Variants in TMEM266 observed in about 807,000 individuals in gnomAD.
The protein encoded by TMEM266 is transmembrane protein 266, also known as Hv1 related protein 1.
A neutral mutation model predicts 50.5 loss-of-function variants in TMEM266; 33 were observed. The ratio of observed to expected loss-of-function variants is 0.65; its 90% confidence interval spans 0.50 to 0.87. TMEM266 has a LOEUF of 0.87. Among genes scored for constraint, TMEM266 ranks in the 40% least tolerant of loss-of-function variants. TMEM266 has a pLI of 0.00. For synonymous variants in TMEM266, 310 were observed against 292.3 expected (o/e 1.06, Z -0.62); for missense variants, 655 against 695.1 (o/e 0.94, Z 0.65).
At chr15:76,111,076 G>A (rs1390540030) in intron 1 of TMEM266, among the ~76,000 whole-genome samples, 2 of 140,268 alleles carry the variant, frequency 1.4e-5, no homozygotes, top group Admixed American at 7.8e-5. Flanking sequence ...ACACACTTTC[G>A]CAGTTTCTTT....
At chr15:76,174,694 G>A (rs1435355297) in intron 7 of TMEM266, among the ~76,000 whole-genome samples, 1 of 152,190 alleles carries the variant, frequency 6.6e-6, no homozygotes, top group Non-Finnish European at 1.5e-5. Flanking sequence ...CTCAGCCCTA[G>A]GCAAGCACTA....
rs201416782 is a variant in TMEM266, at chr15:76,160,202, G to T, written c.456+34G>T. On this transcript the variant is annotated intron_variant, in intron 5 of 10. Coordinates refer to ENST00000388942, the MANE Select transcript of TMEM266 (RefSeq NM_152335.3). This position sits in a 1 kb window ranked among gnomAD's most constrained non-coding sequence, Gnocchi z 5.7. The stretch of plus-strand genomic sequence containing the variant: ...AGACTCTGGCCCTGTCACCTCCTCT[G>T]TTGGGTGACTCCTGTCCTGGGGAAA... 1 of 1,585,850 alleles carries T rather than the reference G, an allele frequency of 6.3e-7. No homozygotes were observed. Among genetic ancestry groups the T allele is most frequent in the Non-Finnish European group, 8.7e-7 (1 of 1,154,314 alleles).
chr15:76,173,780 A>G (rs1473993674), intron 7 of TMEM266, among the ~76,000 whole-genome samples: 2 of 151,890 alleles, frequency 1.3e-5, no homozygotes, highest in Non-Finnish European at 2.9e-5. Flanking sequence ...TAAAAATATA[A>G]AAATTAGCTG....
At chr15:76,142,442 C>T (rs1356575971) in intron 3 of TMEM266, among the ~76,000 whole-genome samples, 2 of 152,136 alleles carry the variant, frequency 1.3e-5, no homozygotes, top group Non-Finnish European at 2.9e-5. Flanking sequence ...GGGTATATAT[C>T]CAAAAGCGGG....
rs183782341 is a variant in TMEM266, at chr15:76,161,269, G to A, written c.456+1101G>A. ...GGCACAGCACCTGCTGGGAACATAC[G>A]CACATCTCACACCAACGGGAGCTGC... On this transcript the variant is annotated intron_variant, in intron 5 of 10. Coordinates refer to ENST00000388942, the MANE Select transcript of TMEM266 (RefSeq NM_152335.3). This position sits in a 1 kb window ranked among gnomAD's most constrained non-coding sequence, Gnocchi z 4.1. 1.3e-5 allele frequency among the ~76,000 whole-genome samples: 2 copies of A among 152,294 alleles called. No homozygotes were observed. Among genetic ancestry groups the A allele is most frequent in the Admixed American group, 6.5e-5 (1 of 15,306 alleles).
At position 76,194,147 on chromosome 15, in the gene TMEM266, C is replaced by T. The variant is rs377374140; in HGVS notation, c.958+1990C>T. Reference sequence around the variant, plus strand: ...CTCCCCACACAGCTCAGCTGAGCCACGTGTCCCAGCAGCCCAGCCTTGGGC... The same window carrying T: ...CTCCCCACACAGCTCAGCTGAGCCATGTGTCCCAGCAGCCCAGCCTTGGGC... On this transcript the variant is annotated intron_variant, in intron 9 of 10. Coordinates refer to ENST00000388942, the MANE Select transcript of TMEM266 (RefSeq NM_152335.3). Among the ~76,000 whole-genome samples the T allele has an allele frequency of 2.6e-4, 40 of 152,360 alleles. No individual in the cohort carries two copies. The East Asian group carries it at 6.6e-3, about 25-fold the overall frequency.
chr15:76,167,324 G>A (rs8026146), intron 5 of TMEM266, among the ~76,000 whole-genome samples: 151,591 of 151,630 alleles, frequency 1, 75,776 homozygotes, highest in Middle Eastern at 1. Flanking sequence ...CAAAAAATTA[G>A]CCGGGCATGG....
chr15:76,078,378 T>C (rs912226291), intron 1 of TMEM266, among the ~76,000 whole-genome samples: 2 of 152,166 alleles, frequency 1.3e-5, no homozygotes, highest in African/African-American at 4.8e-5. Context: ...CACACACAGA[T>C]GAATACATTT....
At chr15:76,156,543 G>T (rs976113101) in intron 3 of TMEM266, 61 bp from the exon 4 acceptor site, 1 of 1,572,550 alleles carries the variant, frequency 6.4e-7, no homozygotes, top group African/African-American at 1.4e-5. Flanking sequence ...CTTTGGCCGG[G>T]GTCCACCCTC....
intron 9 of TMEM266, among the ~76,000 whole-genome samples, chr15:76,200,087 A>AC (rs1394530448): frequency 6.6e-6 from 1 of 152,182 alleles, no homozygotes; most frequent in Non-Finnish European, 1.5e-5. Flanking sequence ...CTCCCCGCAG[A>AC]CAGGGACTCC....
chr15:76,117,094 T>A (rs1306505473), intron 1 of TMEM266, among the ~76,000 whole-genome samples: 1 of 152,066 alleles, frequency 6.6e-6, no homozygotes, highest in Non-Finnish European at 1.5e-5. Context: ...AGACAGCATT[T>A]CTTCATGTTG....
chr15:76,196,588 C>T (rs895927757), intron 9 of TMEM266, among the ~76,000 whole-genome samples: 3 of 151,294 alleles, frequency 2.0e-5, no homozygotes, highest in African/African-American at 7.2e-5. Context: ...TAACTGTGAC[C>T]TTCAGGCCAG....
At chr15:76,074,831 A>G (rs1212971644) in intron 1 of TMEM266, among the ~76,000 whole-genome samples, 1 of 151,990 alleles carries the variant, frequency 6.6e-6, no homozygotes, top group Non-Finnish European at 1.5e-5. Flanking sequence ...GGTAGCTTGA[A>G]CCAGGGTGCT....
intron 4 of TMEM266, among the ~76,000 whole-genome samples, chr15:76,158,665 T>TA (rs368172133): frequency 2.3e-4 from 35 of 152,232 alleles, no homozygotes; most frequent in African/African-American, 6.5e-4. Context: ...AAGCAAACCG[T>TA]AAAAAAAGGC....
intron 1 of TMEM266, among the ~76,000 whole-genome samples, chr15:76,103,585 C>T (rs1267949963): frequency 6.6e-6 from 1 of 152,052 alleles, no homozygotes; most frequent in South Asian, 2.1e-4. Context: ...GTTGGATCCA[C>T]AAGTTTGGAA....
At chr15:76,085,614 T>A (rs146863337) in intron 1 of TMEM266, among the ~76,000 whole-genome samples, 1 of 152,318 alleles carries the variant, frequency 6.6e-6, no homozygotes, top group African/African-American at 2.4e-5. Flanking sequence ...CACACATGGC[T>A]GGTGGTGTTA....
At chr15:76,143,886 C>G (rs185655099) in intron 3 of TMEM266, among the ~76,000 whole-genome samples, 3 of 152,188 alleles carry the variant, frequency 2.0e-5, no homozygotes, top group Non-Finnish European at 4.4e-5. Context: ...GTCTCTCTCT[C>G]TCTCTAACAC....
At chr15:76,075,375 A>G (rs2036590453) in intron 1 of TMEM266, among the ~76,000 whole-genome samples, 1 of 152,134 alleles carries the variant, frequency 6.6e-6, no homozygotes, top group Admixed American at 6.5e-5. Flanking sequence ...GGAAAACCAG[A>G]TGGTGTGGTC....
At chr15:76,120,743 A>C (rs1291967328) in intron 1 of TMEM266, among the ~76,000 whole-genome samples, 2 of 146,912 alleles carry the variant, frequency 1.4e-5, no homozygotes, top group African/African-American at 5.1e-5. Flanking sequence ...CCTGGGTTAC[A>C]GAGCAAGACT....
Sources: gnomAD v4.1 joint callset for allele counts (sites outside exome capture counted in the v4.1 genomes callset) on GRCh38, gnomAD v4.1.1 for gene constraint, Gnocchi (gnomAD v3.1) non-coding constraint, MANE v1.5 for transcripts, NCBI Gene and HGNC (gene_info 2026-07-23, HGNC 2026-07-21) for gene names.